The following EVA1A variants were observed in gnomAD, a reference collection of about 807,000 sequenced individuals.
EVA1A encodes the protein eva-1 homolog A, regulator of programmed cell death, also known as protein eva-1 homolog A.
EVA1A carries 7 observed loss-of-function variants against 9.8 expected under a neutral mutation model. That is an observed-to-expected ratio of 0.71 (90% confidence interval 0.41 to 1.34). The LOEUF (loss-of-function observed/expected upper bound fraction) is 1.34. Among genes scored for constraint, EVA1A ranks in the 40% most tolerant of loss-of-function variants. EVA1A has a pLI of 0.01. For missense variants in EVA1A, 206 were observed against 205.9 expected, an observed-to-expected ratio of 1.00 and a Z score of 0.00; for synonymous variants, 90 against 85.6, an observed-to-expected ratio of 1.05 and a Z score of -0.28.
At chr2:75,564,902 C>G (rs1676997223), upstream of EVA1A, among the ~76,000 whole-genome samples, 1 of 152,200 alleles carries the variant, frequency 6.6e-6, no homozygotes, top group South Asian at 2.1e-4. Flanking sequence ...GATGAACAAA[C>G]TAAGGCACAA....
At chr2:75,537,642 A>G (rs950799734) in intron 1 of EVA1A, among the ~76,000 whole-genome samples, 2 of 152,128 alleles carry the variant, frequency 1.3e-5, no homozygotes, top group African/African-American at 4.8e-5. Context: ...GTGTTCTCCA[A>G]TGTTGCAGGT....
chr2:75,525,408 T>C (rs994619650), intron 1 of EVA1A, among the ~76,000 whole-genome samples: 15 of 152,346 alleles, frequency 9.8e-5, no homozygotes, highest in South Asian at 8.3e-4. Context: ...CAGTCCCTCC[T>C]TGGCCTAAAA....
rs572044159 is a variant in EVA1A, at chr2:75,524,807, T to C, written c.-191-2320A>G. Reference sequence around the variant, plus strand: ...CTGTGCTTTCAAATTATTTCCTCCTTCTTCCTACAGGACATGGTTCCATTA... The same window carrying C: ...CTGTGCTTTCAAATTATTTCCTCCTCCTTCCTACAGGACATGGTTCCATTA... On this transcript the variant is annotated intron_variant, in intron 1 of 3. Coordinates refer to ENST00000393913, the MANE Select transcript of EVA1A (RefSeq NM_001135032.2). Among the ~76,000 whole-genome samples, 27 of 152,298 alleles carry C rather than the reference T, an allele frequency of 1.8e-4. 1 individual carries two copies. The South Asian group carries it at 5.6e-3, about 32-fold the overall frequency.
chr2:75,553,692 A>G (rs1159930829), intron 1 of EVA1A, among the ~76,000 whole-genome samples: 1 of 152,224 alleles, frequency 6.6e-6, no homozygotes, highest in Admixed American at 6.5e-5. Context: ...CTAAATGTCC[A>G]GTCATTGTCT....
intron 1 of EVA1A, among the ~76,000 whole-genome samples, chr2:75,560,173 T>C (rs1676873011): frequency 6.6e-6 from 1 of 152,016 alleles, no homozygotes; most frequent in Admixed American, 6.5e-5. Context: ...CACTCCCTGA[T>C]GCACTCGGCT....
intron 1 of EVA1A, among the ~76,000 whole-genome samples, chr2:75,537,784 A>C (rs1675968235): frequency 6.6e-6 from 1 of 152,134 alleles, no homozygotes; most frequent in African/African-American, 2.4e-5. Context: ...AGAGCCTAGC[A>C]TCTCTCTTGC....
intron 1 of EVA1A, among the ~76,000 whole-genome samples, chr2:75,554,142 C>T (rs1676620496): frequency 6.6e-6 from 1 of 152,216 alleles, no homozygotes; most frequent in Admixed American, 6.5e-5. Flanking sequence ...ACAAGATCCC[C>T]TGAAGTCTGC....
chr2:75,516,771 T>C (rs992520344), intron 3 of EVA1A, among the ~76,000 whole-genome samples: 1 of 152,234 alleles, frequency 6.6e-6, no homozygotes, highest in African/African-American at 2.4e-5. Context: ...ATTTGGGGGA[T>C]AGCTTCACTA....
intron 3 of EVA1A, among the ~76,000 whole-genome samples, chr2:75,499,806 A>G (rs1349777377): frequency 6.6e-6 from 1 of 152,116 alleles, no homozygotes; most frequent in East Asian, 1.9e-4. Flanking sequence ...GACTATGCCT[A>G]AGTCCCTGTT....
intron 3 of EVA1A, among the ~76,000 whole-genome samples, chr2:75,502,230 TAA>T (rs1674455519): frequency 6.6e-6 from 1 of 152,210 alleles, no homozygotes; most frequent in Non-Finnish European, 1.5e-5. Context: ...GCAGCAAACA[TAA>T]CCCTGTCCTC....
chr2:75,531,566 G>A (rs1055100298), intron 1 of EVA1A, among the ~76,000 whole-genome samples: 1 of 151,736 alleles, frequency 6.6e-6, no homozygotes, highest in Non-Finnish European at 1.5e-5. Flanking sequence ...ATATATGATG[G>A]AATACTACTC....
intron 1 of EVA1A, among the ~76,000 whole-genome samples, chr2:75,551,166 G>C (rs1361887437): frequency 6.6e-6 from 1 of 151,982 alleles, no homozygotes; most frequent in Admixed American, 6.6e-5. Flanking sequence ...AAAACGTGCT[G>C]GTCTTTTCCA....
intron 3 of EVA1A, among the ~76,000 whole-genome samples, chr2:75,516,548 A>G (rs539472381): frequency 1.1e-3 from 163 of 152,332 alleles, no homozygotes; most frequent in African/African-American, 3.9e-3. Flanking sequence ...CACATGGTAA[A>G]CACAGGACTA....
chr2:75,543,732 A>C (rs965051102), intron 1 of EVA1A, among the ~76,000 whole-genome samples: 12 of 152,230 alleles, frequency 7.9e-5, no homozygotes, highest in Admixed American at 7.2e-4. Flanking sequence ...CTACAACCAC[A>C]TAGGACCTGC....
chr2:75,498,861 T>C (rs2103778781), intron 3 of EVA1A, among the ~76,000 whole-genome samples: 1 of 152,174 alleles, frequency 6.6e-6, no homozygotes, highest in Non-Finnish European at 1.5e-5. Context: ...AATAGCATAT[T>C]CCTACGCCAG....
chr2:75,536,933 A>T (rs1675927742), intron 1 of EVA1A, among the ~76,000 whole-genome samples: 1 of 152,242 alleles, frequency 6.6e-6, no homozygotes, highest in African/African-American at 2.4e-5. Context: ...ATCAGAGAAG[A>T]GGGGATACTT....
chr2:75,515,784 A>G (rs1481409922), intron 3 of EVA1A, among the ~76,000 whole-genome samples: 1 of 152,100 alleles, frequency 6.6e-6, no homozygotes, highest in Non-Finnish European at 1.5e-5. Context: ...ACTTTGAAGT[A>G]AAAAAAGGGC....
intron 3 of EVA1A, among the ~76,000 whole-genome samples, chr2:75,511,444 G>GT (rs1213955879): frequency 2.0e-5 from 3 of 152,146 alleles, no homozygotes; most frequent in Non-Finnish European, 4.4e-5. Flanking sequence ...ATAATACATA[G>GT]TTGTCTAAAA....
intron 1 of EVA1A, among the ~76,000 whole-genome samples, chr2:75,536,984 C>T (rs943621129): frequency 6.6e-6 from 1 of 152,054 alleles, no homozygotes; most frequent in African/African-American, 2.4e-5. Context: ...CGGATACCAA[C>T]CCCAGACAAA....
Sources: gnomAD v4.1 joint callset for allele counts (sites outside exome capture counted in the v4.1 genomes callset) on GRCh38, gnomAD v4.1.1 for gene constraint, MANE v1.5 for transcripts, NCBI Gene and HGNC (gene_info 2026-07-23, HGNC 2026-07-21) for gene names.